Variants in PCDHGA1 observed in about 807,000 individuals in gnomAD.
PCDHGA1 encodes protocadherin gamma subfamily A, 1.
In PCDHGA1, 32 loss-of-function variants were observed where a neutral mutation model predicts 58.0. The observed-to-expected ratio is 0.55, with a 90% CI of 0.42 to 0.74. The LOEUF (loss-of-function observed/expected upper bound fraction) is 0.74, where lower values mean the gene tolerates loss of function less well. PCDHGA1 is among the 30% of genes least tolerant of loss of function. The pLI is 0.00. For missense variants in PCDHGA1, 1,205 were observed against 1,182.3 expected (o/e 1.02, Z -0.28); for synonymous variants, 498 against 501.1 (o/e 0.99, Z 0.08).
rs1342087495 is a variant in PCDHGA1 at position 141,365,076 on chromosome 5, T to C, written c.2421+31971T>C. 1.9e-6 allele frequency: 3 copies of C among 1,613,740 alleles called. No individual in the cohort carries two copies. In the African/African-American group the frequency reaches 4.0e-5, roughly 22 times the overall value. On this transcript the variant is annotated intron_variant, in intron 1 of 3. Transcript: ENST00000517417. ...CTGTTCACCCCATCCGAGTACAGCG[T>C]GAGTGTTCCAGAGAACATACCTGTG...
chr5:141,370,699 G>T, intron 1 of PCDHGA1: 3 of 1,613,804 alleles, frequency 1.9e-6, no homozygotes, highest in Non-Finnish European at 2.5e-6. Context: ...AAGTCGACGT[G>T]TGTTCTGGAA....
chr5:141,410,437 G>C, intron 1 of PCDHGA1: 1 of 1,614,040 alleles, frequency 6.2e-7, no homozygotes, highest in Non-Finnish European at 8.5e-7. Context: ...ACTACAGTGA[G>C]GGGACTTTGC....
chr5:141,346,323 C>A (rs370925586), intron 1 of PCDHGA1: 1,499 of 1,614,178 alleles, frequency 9.3e-4, no homozygotes, highest in Non-Finnish European at 1.2e-3. Context: ...TGCGGACTCG[C>A]GGAAGAGCCA....
rs745638360 is a variant in PCDHGA1, at chr5:141,410,529, A to G, written c.2421+77424A>G. Reference sequence around the variant, plus strand: ...AAATGCAGTGTGCCCCTACATTCCAATGAAGACATGGTTTGCAGTGTTTCT... The same window carrying G: ...AAATGCAGTGTGCCCCTACATTCCAGTGAAGACATGGTTTGCAGTGTTTCT... On this transcript the variant is annotated intron_variant, in intron 1 of 3. Transcript: ENST00000517417. The G allele has an allele frequency of 3.1e-6, 5 of 1,613,804 alleles. No individual in the cohort carries two copies. The Admixed American group carries it at 5.0e-5, about 16-fold the overall frequency.
intron 1 of PCDHGA1, chr5:141,404,120 C>T (rs1224189151): frequency 1.2e-6 from 2 of 1,613,312 alleles, no homozygotes; most frequent in East Asian, 4.5e-5. Flanking sequence ...CCAGGAGAAT[C>T]TATCTTTTAC....
chr5:141,491,071 C>A lies in PCDHGA1; in HGVS notation c.2422-3736C>A, dbSNP rs987564933. ...TGCGTGGCTCTCCTACTCACTGTTG[C>A]CACAGTCCACAGCCCCAGGACTGTT... On this transcript the variant is annotated intron_variant, in intron 1 of 3. Transcript: ENST00000517417. This position sits in a 1 kb window ranked among gnomAD's most constrained non-coding sequence, Gnocchi z 6.9. 2 of 1,614,034 alleles carry A rather than the reference C, an allele frequency of 1.2e-6. No individual in the cohort carries two copies. The highest frequency in any genetic ancestry group is 1.7e-6 in the Non-Finnish European group (2 of 1,180,036).
At chr5:141,360,888 G>GA (rs1462264831) in intron 1 of PCDHGA1, 2 of 1,613,934 alleles carry the variant, frequency 1.2e-6, no homozygotes, top group Non-Finnish European at 1.7e-6. Flanking sequence ...GGGTCACCCT[G>GA]AGGGAGGACG....
In PCDHGA1 at chr5:141,512,874, C is replaced by G. The variant is rs2099884476; in HGVS notation, c.*1701C>G. The G allele has an allele frequency of 6.6e-6, 1 of 152,246 alleles. No homozygotes were observed. Among genetic ancestry groups the G allele is most frequent in the Non-Finnish European group, 1.5e-5 (1 of 68,062 alleles). 9.4% of individuals were successfully genotyped at this position (152,246 alleles called of 1,614,324 possible). ...CTTCTCTTCGCATAGTCACGTAGCT[C>G]CCACCCCACCCTCTTCCTGTGTCTC... On this transcript the variant is annotated 3_prime_UTR_variant, in exon 4 of 4. Transcript: ENST00000517417.
intron 1 of PCDHGA1, among the ~76,000 whole-genome samples, chr5:141,380,098 C>T (rs1242678914): frequency 1.3e-5 from 2 of 151,806 alleles, no homozygotes; most frequent in African/African-American, 4.8e-5. Context: ...TGGGGTTTTA[C>T]CATGATGGCC....
rs768560315 is a variant in PCDHGA1, at chr5:141,357,355, TG to T, written c.2421+24252del. On this transcript the variant is annotated intron_variant, in intron 1 of 3. Coordinates refer to ENST00000517417, the MANE Select transcript of PCDHGA1 (RefSeq NM_018912.3). ...GCTGCTAGCACTCAAGCTGAGACGC[TG>T]GCACAAGTCACGCCTGCTTCACGCT... The T allele has an allele frequency of 8.7e-6, 14 of 1,614,154 alleles. No individual in the cohort carries two copies. In the South Asian group the frequency reaches 1.4e-4, roughly 16 times the overall value.
In PCDHGA1 at chr5:141,511,186, G is replaced by T; in HGVS notation, c.*13G>T. On this transcript the variant is annotated 3_prime_UTR_variant, in exon 4 of 4. Transcript: ENST00000517417. ...GGAGAAGAAGTAACATGGAGGCCAG[G>T]CCAAGAGCCACAGGGCGGCCTCTCC... 6.2e-7 allele frequency: 1 copy of T among 1,613,906 alleles called. No individual in the cohort carries two copies. The highest frequency in any genetic ancestry group is 2.2e-5 in the East Asian group (1 of 44,876).
In PCDHGA1 at chr5:141,332,418, G is replaced by A. The variant is rs777400068; in HGVS notation, c.1734G>A (p.Ala578=). 1.2e-5 allele frequency: 19 copies of A among 1,613,950 alleles called. No homozygotes were observed. The East Asian group carries it at 3.3e-4, about 28-fold the overall frequency. The change falls in exon 1 of 4, where the codon GCG becomes GCA. Residue 578 remains alanine, a synonymous_variant. Coordinates refer to ENST00000517417, the MANE Select transcript of PCDHGA1 (RefSeq NM_018912.3). The surrounding 1 kb of genome is among the most constrained non-coding windows in gnomAD (Gnocchi z 4.6). ...PTDGSTGVEL[A]PLSAEPGYLV... is the part of the protein sequence containing the mutation. ...ATGGTTCTACCGGCGTGGAGCTGGC[G>A]CCCCTCTCCGCAGAGCCCGGCTACC... is the stretch of plus-strand genomic sequence containing the variant.
intron 1 of PCDHGA1, among the ~76,000 whole-genome samples, chr5:141,492,685 C>T (rs919981996): frequency 1.3e-5 from 2 of 152,242 alleles, no homozygotes; most frequent in African/African-American, 2.4e-5. Context: ...CAAGGGTCGG[C>T]GACCCCTCAA....
intron 1 of PCDHGA1, chr5:141,351,983 C>T (rs1758882465): frequency 3.1e-6 from 5 of 1,611,764 alleles, no homozygotes; most frequent in Non-Finnish European, 4.2e-6. Flanking sequence ...CGATATGGTG[C>T]CACGCGCCGC....
intron 1 of PCDHGA1, among the ~76,000 whole-genome samples, chr5:141,464,193 A>C (rs991769179): frequency 1.3e-5 from 2 of 149,674 alleles, no homozygotes; most frequent in Non-Finnish European, 3.0e-5. Flanking sequence ...TGATTTCAGG[A>C]GGCGGAGATT....
At chr5:141,360,388 C>G in intron 1 of PCDHGA1, 1 of 1,613,908 alleles carries the variant, frequency 6.2e-7, no homozygotes, top group Non-Finnish European at 8.5e-7. Flanking sequence ...CGGAGACTTA[C>G]TTGTGAGTGA....
At chr5:141,505,599 G>T in intron 3 of PCDHGA1, 118 bp downstream of exon 3, 1 of 1,555,586 alleles carries the variant, frequency 6.4e-7, no homozygotes, top group Non-Finnish European at 8.7e-7. Context: ...CAGATCTTTC[G>T]GCAGGTCTGA....
intron 1 of PCDHGA1, chr5:141,382,741 C>G: frequency 3.4e-6 from 2 of 582,496 alleles, no homozygotes; most frequent in East Asian, 2.8e-5. Context: ...AGAGAAACGA[C>G]AGATTGCGAT....
intron 2 of PCDHGA1, among the ~76,000 whole-genome samples, chr5:141,496,486 C>T (rs186488143): frequency 1.3e-5 from 2 of 152,322 alleles, no homozygotes; most frequent in East Asian, 3.9e-4. Flanking sequence ...CTGCAACCAA[C>T]CAAACCCTTG....
Sources: allele counts gnomAD v4.1 joint callset (sites outside exome capture counted in the v4.1 genomes callset), GRCh38; gene constraint gnomAD v4.1.1; non-coding constraint Gnocchi (gnomAD v3.1); transcripts MANE v1.5; gene names NCBI Gene and HGNC (gene_info 2026-07-23, HGNC 2026-07-21).